The following ZC3H12B variants were observed in gnomAD, a reference collection of about 807,000 sequenced individuals.
The protein encoded by ZC3H12B is probable ribonuclease ZC3H12B.
ZC3H12B carries 7 observed loss-of-function variants against 43.9 expected under a neutral mutation model. The ratio of observed to expected loss-of-function variants is 0.16; its 90% CI spans 0.09 to 0.30. The LOEUF (loss-of-function observed/expected upper bound fraction) is 0.30. ZC3H12B is among the 10% of genes least tolerant of loss of function. ZC3H12B has a pLI of 1.00. For synonymous variants in ZC3H12B, 222 were observed against 241.7 expected (o/e 0.92, Z 0.76); for missense variants, 475 against 670.2 (o/e 0.71, Z 3.22).
At chrX:65,088,756 G>A in the ZC3H12B span, among the ~76,000 whole-genome samples, 29 of 110,180 alleles carry the variant, frequency 2.6e-4, no homozygotes, top group East Asian at 1.4e-3. Context: ...GGTTTTTTTC[G>A]CCTTCTGAAA....
intron 3 of ZC3H12B, among the ~76,000 whole-genome samples, chrX:65,483,095 T>C (rs915190259): frequency 2.7e-5 from 3 of 112,221 alleles, no homozygotes; most frequent in African/African-American, 9.7e-5. Flanking sequence ...CTGTGACATG[T>C]ATCATTTTGA....
At chrX:65,172,721 G>T in the ZC3H12B span, among the ~76,000 whole-genome samples, 1 of 112,026 alleles carries the variant, frequency 8.9e-6, no homozygotes, top group African/African-American at 3.2e-5. Flanking sequence ...GTTTGTCAAA[G>T]ATCAGATTGT....
the ZC3H12B span, among the ~76,000 whole-genome samples, chrX:65,087,929 T>C: frequency 2.7e-5 from 3 of 112,061 alleles, no homozygotes; most frequent in Non-Finnish European, 5.6e-5. Context: ...AAAGCTGAAA[T>C]AGGAATAGAA....
At chrX:65,331,552 GTTTA>G in the ZC3H12B span, among the ~76,000 whole-genome samples, 855 of 103,739 alleles carry the variant, frequency 8.2e-3, 7 homozygotes, top group African/African-American at 0.018. Context: ...TAAGTTTAAT[GTTTA>G]TTTATTTATT....
chrX:65,315,602 C>T, the ZC3H12B span, among the ~76,000 whole-genome samples: 9,131 of 110,798 alleles, frequency 0.082, 1,029 homozygotes, highest in African/African-American at 0.29. Context: ...TGAATGAACC[C>T]ATCTTATGTC....
exon 5 of ZC3H12B, chrX:65,506,952 C>CCTCT (rs759383063): frequency 5.5e-5 from 6 of 108,174 alleles, no homozygotes; most frequent in Non-Finnish European, 1.2e-4. Flanking sequence ...ATTCTCTCTC[C>CCTCT]CTCTCTCTCT....
chrX:65,176,652 T>C, the ZC3H12B span, among the ~76,000 whole-genome samples: 2 of 111,762 alleles, frequency 1.8e-5, no homozygotes, highest in Non-Finnish European at 3.8e-5. Flanking sequence ...TATAAACACC[T>C]TTATGCACAC....
the ZC3H12B span, among the ~76,000 whole-genome samples, chrX:65,061,358 T>C: frequency 7.2e-5 from 8 of 111,588 alleles, no homozygotes; most frequent in African/African-American, 2.6e-4. Context: ...GATGTTCCGC[T>C]CCCTTTGTTC....
At chrX:65,292,126 C>T in the ZC3H12B span, among the ~76,000 whole-genome samples, 409 of 111,689 alleles carry the variant, frequency 3.7e-3, 4 homozygotes, top group African/African-American at 0.012. Flanking sequence ...AGGCAGAAAT[C>T]AGTAAAGACA....
intron 2 of ZC3H12B, among the ~76,000 whole-genome samples, chrX:65,390,742 G>T (rs780027006): frequency 9.3e-6 from 1 of 108,010 alleles, no homozygotes; most frequent in Admixed American, 1.0e-4. Context: ...GATATTTACA[G>T]AACATTTCAT....
chrX:65,424,225 G>A (rs2067053506), intron 3 of ZC3H12B, among the ~76,000 whole-genome samples: 1 of 112,161 alleles, frequency 8.9e-6, no homozygotes, highest in Admixed American at 9.4e-5. Flanking sequence ...CTGTGATATT[G>A]AGGTATTTTT....
At chrX:65,187,587 T>C in the ZC3H12B span, among the ~76,000 whole-genome samples, 5 of 110,842 alleles carry the variant, frequency 4.5e-5, no homozygotes, top group Non-Finnish European at 9.4e-5. Flanking sequence ...AATGACTTTA[T>C]AATTATTAAT....
chrX:65,226,632 A>G, the ZC3H12B span, among the ~76,000 whole-genome samples: 12 of 111,481 alleles, frequency 1.1e-4, no homozygotes, highest in African/African-American at 2.6e-4. Flanking sequence ...GTATTCAGGA[A>G]ACCCATCTCA....
the ZC3H12B span, among the ~76,000 whole-genome samples, chrX:65,098,592 G>A: frequency 9.1e-6 from 1 of 110,108 alleles, no homozygotes; most frequent in Non-Finnish European, 1.9e-5. Flanking sequence ...TCAGCCCACA[G>A]AGGGCAAGCA....
At chrX:65,406,302 CA>C (rs1360838148) in intron 3 of ZC3H12B, among the ~76,000 whole-genome samples, 2 of 107,569 alleles carry the variant, frequency 1.9e-5, no homozygotes, top group East Asian at 5.8e-4. Flanking sequence ...TCATCATGAC[CA>C]AGTGGGATTC....
At chrX:65,153,048 G>C in the ZC3H12B span, among the ~76,000 whole-genome samples, 6 of 111,781 alleles carry the variant, frequency 5.4e-5, no homozygotes. Flanking sequence ...AGCTGAAACT[G>C]GATCCCTTCC....
In ZC3H12B at chrX:65,503,119, C is replaced by T. The variant is rs776883982; in HGVS notation, c.2421C>T (p.Ile807=). The change falls in exon 5 of 5, where the codon ATC becomes ATT. Residue 807 remains isoleucine (I), a synonymous_variant. Transcript: ENST00000338957. ...TCTGCAATATTTTCCCTTCTAACAT[C>T]GTCCTTGCAGTGATGGAGAAGAATC... 16 of 1,209,485 alleles carry T rather than the reference C, an allele frequency of 1.3e-5. No individual in the cohort carries two copies. The highest frequency in any genetic ancestry group is 3.5e-5 in the South Asian group (2 of 56,781).
intron 2 of ZC3H12B, among the ~76,000 whole-genome samples, chrX:65,388,074 T>C (rs2066556166): frequency 8.9e-6 from 1 of 111,957 alleles, no homozygotes; most frequent in Admixed American, 9.5e-5. Flanking sequence ...GCCCTTGCCA[T>C]TTTTTCCTTC....
the ZC3H12B span, among the ~76,000 whole-genome samples, chrX:65,171,391 C>T: frequency 9.0e-6 from 1 of 110,840 alleles, no homozygotes; most frequent in Non-Finnish European, 1.9e-5. Context: ...CTGCCTGATC[C>T]TTCCTCTGGA....
Sources: gnomAD v4.1 joint callset for allele counts (sites outside exome capture counted in the v4.1 genomes callset) on GRCh38, gnomAD v4.1.1 for gene constraint, MANE v1.5 for transcripts, NCBI Gene and HGNC (gene_info 2026-07-23, HGNC 2026-07-21) for gene names.